The following DDX43 variants were observed in gnomAD, a reference collection of about 807,000 sequenced individuals.
The protein encoded by DDX43 is DEAD-box helicase 43, also known as probable ATP-dependent RNA helicase DDX43.
In DDX43, 50 loss-of-function variants were observed where a neutral mutation model predicts 84.9. The ratio of observed to expected loss-of-function variants is 0.59; its 90% CI spans 0.47 to 0.75. DDX43 has a LOEUF of 0.75. DDX43 is among the 30% of genes least tolerant of loss of function. DDX43 has a pLI of 0.00. For synonymous variants in DDX43, 291 were observed against 266.3 expected (o/e 1.09, Z -0.90); for missense variants, 689 against 798.6 (o/e 0.86, Z 1.65).
rs1769897206 is a variant in DDX43, at chr6:73,416,199, T to C, written c.1920T>C (p.Pro640=). ...AAATGGAAAGAAAAATGGAAAGACC[T>C]CAAGGAAGGCCCAAGAAGTTTCATT... The part of the protein sequence containing the change: ...KREMERKMER[P]QGRPKKFH Residue 640 remains proline (P), a synonymous_variant, in exon 16 of 17, where the codon CCT becomes CCC. Transcript: ENST00000370336. 3 of 1,595,064 alleles carry C rather than the reference T, an allele frequency of 1.9e-6. No homozygotes were observed. Among genetic ancestry groups the C allele is most frequent in the Non-Finnish European group, 8.6e-7 (1 of 1,162,658 alleles).
intron 4 of DDX43, among the ~76,000 whole-genome samples, chr6:73,404,152 G>C (rs1003038405): frequency 4.0e-5 from 6 of 151,650 alleles, no homozygotes; most frequent in Admixed American, 6.6e-5. Flanking sequence ...TTTCACTTTT[G>C]TTGCCCAGGC....
Position 73,395,175 on chromosome 6 carries a change from G to T in DDX43, c.250+20G>T. The T allele has an allele frequency of 6.3e-7, 1 of 1,592,060 alleles. No individual in the cohort carries two copies. The highest frequency in any genetic ancestry group is 8.5e-7 in the Non-Finnish European group (1 of 1,169,846). ...TAATCGGTGAGAATGGGAGTGGCTG[G>T]CAGGGCAGGATAGGTGGGGCCAGGG... On this transcript the variant is annotated intron_variant, in intron 1 of 16. Coordinates refer to ENST00000370336, the MANE Select transcript of DDX43 (RefSeq NM_018665.3).
At chr6:73,412,408 A>G in intron 11 of DDX43, 116 bp downstream of exon 11, 1 of 695,586 alleles carries the variant, frequency 1.4e-6, no homozygotes, top group Non-Finnish European at 2.4e-6. Flanking sequence ...ACACTTGCAT[A>G]TAGTTTTAAT....
chr6:73,406,274 G>A (rs766931205), intron 6 of DDX43, 90 bp from the exon 7 acceptor site: 10 of 839,510 alleles, frequency 1.2e-5, no homozygotes, highest in Middle Eastern at 2.4e-4. Flanking sequence ...TGCCCGCCTC[G>A]GCCTCCCAAA....
intron 1 of DDX43, 58 bp from the exon 2 acceptor site, chr6:73,397,631 A>G (rs989920839): frequency 7.1e-7 from 1 of 1,402,402 alleles, no homozygotes; most frequent in Non-Finnish European, 1.0e-6. Context: ...AAAATGGGTA[A>G]ATTTTCAACT....
intron 15 of DDX43, 122 bp from the exon 16 acceptor site, chr6:73,415,990 AC>A (rs1769891161): frequency 1.6e-6 from 1 of 634,562 alleles, no homozygotes; most frequent in Non-Finnish European, 2.8e-6. Flanking sequence ...TAATCGAGAT[AC>A]CTGTTTCTGT....
intron 6 of DDX43, 28 bp downstream of exon 6, chr6:73,405,863 A>T (rs779884555): frequency 1.9e-6 from 3 of 1,602,634 alleles, no homozygotes; most frequent in East Asian, 4.5e-5. Flanking sequence ...ACAATATTTC[A>T]CTCAATGTTT....
Position 73,415,482 on chromosome 6 carries a change from T to TC in DDX43, c.1746-10dup. ...TGAATAATGAATACATGAGTTTTTT[T>TC]CCCCCACACTAAAGGAGGACTGGTG... On this transcript the variant is annotated splice_polypyrimidine_tract_variant and intron_variant, in intron 14 of 16. Transcript: ENST00000370336. 5 of 1,593,652 alleles carry TC rather than the reference T, an allele frequency of 3.1e-6. No individual in the cohort carries two copies. The highest frequency in any genetic ancestry group is 4.3e-6 in the Non-Finnish European group (5 of 1,163,888).
intron 14 of DDX43, 127 bp downstream of exon 14, chr6:73,414,813 C>T (rs963601038): frequency 1.2e-6 from 1 of 833,248 alleles, no homozygotes; most frequent in Admixed American, 2.7e-5. Flanking sequence ...CCAGATTATA[C>T]TTGCTACTTT....
At position 73,395,177 on chromosome 6, in the gene DDX43, A is replaced by C; in HGVS notation, c.250+22A>C. On this transcript the variant is annotated intron_variant, in intron 1 of 16. Coordinates refer to ENST00000370336, the MANE Select transcript of DDX43 (RefSeq NM_018665.3). ...ATCGGTGAGAATGGGAGTGGCTGGC[A>C]GGGCAGGATAGGTGGGGCCAGGGGC... The C allele has an allele frequency of 5.0e-6, 8 of 1,586,666 alleles. No individual in the cohort carries two copies. The East Asian group carries it at 7.0e-5, about 14-fold the overall frequency.
intron 7 of DDX43, among the ~76,000 whole-genome samples, chr6:73,406,733 A>G (rs541202024): frequency 1.3e-5 from 2 of 152,320 alleles, no homozygotes; most frequent in African/African-American, 4.8e-5. Context: ...ACTATGTCCA[A>G]TACACTTATC....
chr6:73,397,063 G>T (rs1769487025), intron 1 of DDX43, among the ~76,000 whole-genome samples: 1 of 152,118 alleles, frequency 6.6e-6, no homozygotes, highest in South Asian at 2.1e-4. Context: ...AAATTCTTTT[G>T]GATGTATACC....
At chr6:73,404,797 G>GT (rs777822800) in intron 5 of DDX43, 26 bp downstream of exon 5, 4 of 1,543,824 alleles carry the variant, frequency 2.6e-6, no homozygotes. Flanking sequence ...ACCTAGTTGT[G>GT]TAAGTATTTG....
intron 1 of DDX43, among the ~76,000 whole-genome samples, chr6:73,396,031 C>T (rs1240379020): frequency 2.7e-5 from 4 of 150,252 alleles, no homozygotes; most frequent in East Asian, 3.9e-4. Flanking sequence ...GGCGTGATCT[C>T]GGCTCACTAC....
chr6:73,402,209 G>A (rs892154494), intron 4 of DDX43, among the ~76,000 whole-genome samples: 1 of 152,136 alleles, frequency 6.6e-6, no homozygotes, highest in Non-Finnish European at 1.5e-5. Context: ...TCTGTCAGCG[G>A]TAATTCACTG....
chr6:73,406,006 A>G (rs1330044104), intron 6 of DDX43, among the ~76,000 whole-genome samples, 171 bp downstream of exon 6: 1 of 151,376 alleles, frequency 6.6e-6, no homozygotes, highest in East Asian at 1.9e-4. Flanking sequence ...AAGAAGGAAC[A>G]GTTGGCAAAA....
At chr6:73,396,824 G>T in intron 1 of DDX43, among the ~76,000 whole-genome samples, 1 of 152,122 alleles carries the variant, frequency 6.6e-6, no homozygotes, top group East Asian at 1.9e-4. Flanking sequence ...TGCAGTAATT[G>T]TCTTTGTAAT....
intron 5 of DDX43, 140 bp from the exon 6 acceptor site, chr6:73,405,539 C>T: frequency 1.4e-6 from 1 of 734,622 alleles, no homozygotes. Context: ...TTTCTTTATG[C>T]ATTTCATTAT....
intron 11 of DDX43, among the ~76,000 whole-genome samples, chr6:73,412,696 TGCGTGCGCAC>T (rs1201565969): frequency 9.3e-6 from 1 of 107,202 alleles, no homozygotes; most frequent in Admixed American, 9.6e-5. Context: ...TGTGTGCGCG[TGCGTGCGCAC>T]GCATGTGCAA....
Sources: allele counts gnomAD v4.1 joint callset (sites outside exome capture counted in the v4.1 genomes callset), GRCh38; gene constraint gnomAD v4.1.1; transcripts MANE v1.5; gene names NCBI Gene and HGNC (gene_info 2026-07-23, HGNC 2026-07-21).